Variants in PDE4A observed in about 807,000 individuals in gnomAD.
PDE4A encodes the protein phosphodiesterase 4A.
In PDE4A, 21 loss-of-function variants were observed where a neutral mutation model predicts 73.9. That is an observed-to-expected ratio of 0.28 (90% CI 0.20 to 0.41). The LOEUF (loss-of-function observed/expected upper bound fraction) is 0.41. Ranked by LOEUF, PDE4A falls within the 10% of genes least tolerant of loss-of-function variation. PDE4A has a pLI of 1.00. For synonymous variants in PDE4A, 463 were observed against 505.4 expected (o/e 0.92, Z 1.13); for missense variants, 958 against 1,211.4 (o/e 0.79, Z 3.10).
chr19:10,417,792 C>A, upstream of PDE4A: 1 of 1,558,446 alleles, frequency 6.4e-7, no homozygotes, highest in Non-Finnish European at 8.6e-7. Context: ...TGGGGTCCCT[C>A]TGCCGCCACG....
Position 10,466,938 on chromosome 19 carries a change from C to T in PDE4A, c.1978C>T (p.Leu660Phe). 6.2e-7 allele frequency: 1 copy of T among 1,614,078 alleles called. No individual in the cohort carries two copies. The highest frequency in any genetic ancestry group is 8.5e-7 in the Non-Finnish European group (1 of 1,180,012). The part of the protein sequence containing the change: ...VHPLWETWAD[L>F]VHPDAQEILD... ...CCCATTGTGGGAGACCTGGGCGGAC[C>T]TTGTCCACCCAGATGCCCAGGAGAT... is the stretch of plus-strand genomic sequence containing the variant. Residue 660 changes from leucine to phenylalanine, a missense_variant, in exon 15 of 15, where the codon CTT becomes TTT. Physicochemically the swap from Leu to Phe is conservative, Grantham distance 22. Transcript: ENST00000380702.
intron 1 of PDE4A, chr19:10,431,178 C>T: frequency 1.2e-6 from 1 of 860,650 alleles, no homozygotes; most frequent in South Asian, 2.2e-5. Flanking sequence ...TCTCTCCAGC[C>T]TCACTTTCCT....
At chr19:10,447,000 G>C (rs1329739707) in intron 2 of PDE4A, among the ~76,000 whole-genome samples, 1 of 150,472 alleles carries the variant, frequency 6.6e-6, no homozygotes, top group African/African-American at 2.4e-5. Context: ...CCAGGTTCAC[G>C]CCATTCTCCT....
intron 1 of PDE4A, among the ~76,000 whole-genome samples, chr19:10,429,631 C>T (rs1398532880): frequency 6.6e-6 from 1 of 152,220 alleles, no homozygotes; most frequent in Non-Finnish European, 1.5e-5. Flanking sequence ...AGCCACCACA[C>T]CTGCCTTCTA....
chr19:10,449,065 C>T lies in PDE4A; in HGVS notation c.550-15C>T, dbSNP rs200168682. ...CTAGGGGAACCCCACTCCTCACTGC[C>T]GCTCCCCATCCCAGGTGCTGGCCAG... is the stretch of plus-strand genomic sequence containing the variant. On this transcript the variant is annotated splice_polypyrimidine_tract_variant and intron_variant, in intron 3 of 14. Coordinates refer to ENST00000380702, the MANE Select transcript of PDE4A (RefSeq NM_001111307.2). 23 of 1,613,074 alleles carry T rather than the reference C, an allele frequency of 1.4e-5. No individual in the cohort carries two copies. The highest frequency in any genetic ancestry group is 4.4e-5 in the South Asian group (4 of 90,774).
chr19:10,421,058 C>A lies in PDE4A; in HGVS notation c.294C>A (p.Gly98=), dbSNP rs1472171186. The A allele has an allele frequency of 3.6e-6, 5 of 1,383,584 alleles. No homozygotes were observed. In the Admixed American group the frequency reaches 1.9e-4, roughly 52 times the overall value. The allele number at this position is 1,383,584 out of a possible 1,614,324, so 85.7% of individuals were successfully genotyped here. A position where few individuals can be genotyped will look rare whatever the true frequency, so the allele number is the denominator to read the frequency against. Reference sequence around the variant, plus strand: ...TCCATGGCACTGGCACCGGCAGCGGCGGCGCGGGCGGAGGCAGCAGCAGGC... The same window carrying A: ...TCCATGGCACTGGCACCGGCAGCGGAGGCGCGGGCGGAGGCAGCAGCAGGC... ...SSFHGTGTGS[G]GAGGGSSRRF... is the part of the protein sequence containing the mutation. The change falls in exon 1 of 15, where the codon GGC becomes GGA. Residue 98 remains glycine (G), a synonymous_variant. Transcript: ENST00000380702.
At chr19:10,460,813 AAAAG>A (rs2043251541) in intron 10 of PDE4A, 187 bp from the exon 11 acceptor site, 5 of 191,988 alleles carry the variant, frequency 2.6e-5, no homozygotes, top group East Asian at 1.9e-4. Flanking sequence ...AAAAAAAAAA[AAAAG>A]AAAGAAAATT....
intron 1 of PDE4A, among the ~76,000 whole-genome samples, chr19:10,437,121 T>G (rs1179564505): frequency 6.6e-6 from 1 of 152,138 alleles, no homozygotes; most frequent in Non-Finnish European, 1.5e-5. Context: ...CTTAAGAACC[T>G]TAAGAGTGGC....
At chr19:10,463,303 C>T (rs960025377) in intron 13 of PDE4A, among the ~76,000 whole-genome samples, 2 of 151,328 alleles carry the variant, frequency 1.3e-5, no homozygotes, top group Non-Finnish European at 2.9e-5. Flanking sequence ...TTGGCCAGGC[C>T]GATCTCAAAT....
At chr19:10,429,514 C>A (rs1445973602) in intron 1 of PDE4A, among the ~76,000 whole-genome samples, 6 of 152,068 alleles carry the variant, frequency 3.9e-5, no homozygotes, top group Admixed American at 1.3e-4. Context: ...TTTTTGTCAT[C>A]TTTTGTAGAG....
chr19:10,416,815 G>A (rs2042592031), upstream of PDE4A: 1 of 1,525,518 alleles, frequency 6.6e-7, no homozygotes, highest in Non-Finnish European at 8.8e-7. Context: ...GCGGGGGCGG[G>A]TTCTAGGCCC....
chr19:10,431,016 A>C, intron 1 of PDE4A: 1 of 1,578,114 alleles, frequency 6.3e-7, no homozygotes, highest in Non-Finnish European at 8.6e-7. Flanking sequence ...CCCGTCCCCA[A>C]CTTTCCGCAG....
chr19:10,428,300 G>A (rs559556071), intron 1 of PDE4A, among the ~76,000 whole-genome samples: 1 of 152,134 alleles, frequency 6.6e-6, no homozygotes, highest in East Asian at 1.9e-4. Flanking sequence ...TGAGACTGCA[G>A]TGAGCTATGA....
At chr19:10,459,812 T>C in intron 10 of PDE4A, 53 bp downstream of exon 10, 1 of 1,549,380 alleles carries the variant, frequency 6.5e-7, no homozygotes, top group Non-Finnish European at 8.8e-7. Context: ...TGACTGCCTC[T>C]TCAGCCTCCT....
intron 1 of PDE4A, among the ~76,000 whole-genome samples, chr19:10,429,207 G>C (rs1471745525): frequency 6.9e-6 from 1 of 145,982 alleles, no homozygotes; most frequent in Admixed American, 7.0e-5. Flanking sequence ...AATAAGGAAA[G>C]GAAGGAGAAA....
intron 11 of PDE4A, 44 bp downstream of exon 11, chr19:10,461,147 G>C (rs1324335062): frequency 6.3e-7 from 1 of 1,594,682 alleles, no homozygotes; most frequent in Non-Finnish European, 8.6e-7. Context: ...AGTTGGAGGC[G>C]GTGTTGGCCA....
intron 1 of PDE4A, among the ~76,000 whole-genome samples, chr19:10,429,538 A>G (rs1413736631): frequency 1.3e-5 from 2 of 152,052 alleles, no homozygotes; most frequent in East Asian, 1.9e-4. Context: ...GGATCTCGCC[A>G]TGTCACCTGG....
At chr19:10,430,962 C>T in intron 1 of PDE4A, 1 of 1,539,656 alleles carries the variant, frequency 6.5e-7, no homozygotes, top group Non-Finnish European at 8.7e-7. Flanking sequence ...GCGCGCGCCC[C>T]GCCGCCCGCG....
rs941574241 is a variant in PDE4A at position 10,424,557 on chromosome 19, C to G, written c.320+3473C>G. Reference sequence around the variant, plus strand: ...GACCTGCTCCAGGGACGCCGCCAGTCCCGGAGCAAAGCAAAGTCGCCGCCA... The same window carrying G: ...GACCTGCTCCAGGGACGCCGCCAGTGCCGGAGCAAAGCAAAGTCGCCGCCA... On this transcript the variant is annotated intron_variant, in intron 1 of 14. Transcript: ENST00000380702. This position sits in a 1 kb window ranked among gnomAD's most constrained non-coding sequence, Gnocchi z 4.8. Among the ~76,000 whole-genome samples, 2 of 152,238 alleles carry G rather than the reference C, an allele frequency of 1.3e-5. No individual in the cohort carries two copies. The highest frequency in any genetic ancestry group is 2.9e-5 in the Non-Finnish European group (2 of 68,044).
Sources: allele counts gnomAD v4.1 joint callset (sites outside exome capture counted in the v4.1 genomes callset), GRCh38; gene constraint gnomAD v4.1.1; non-coding constraint Gnocchi (gnomAD v3.1); transcripts MANE v1.5; gene names NCBI Gene and HGNC (gene_info 2026-07-23, HGNC 2026-07-21).